The following XYLT1 variants were observed in gnomAD, a reference collection of about 807,000 sequenced individuals.
XYLT1 encodes beta-D-xylosyltransferase 1.
A neutral mutation model predicts 91.3 loss-of-function variants in XYLT1; 36 were observed. The observed-to-expected ratio is 0.39, with a 90% CI of 0.30 to 0.52. The LOEUF (loss-of-function observed/expected upper bound fraction) is 0.52, where lower values mean the gene tolerates loss of function less well. Among genes scored for constraint, XYLT1 ranks in the 20% least tolerant of loss-of-function variants. The pLI, the probability that XYLT1 is intolerant of heterozygous loss-of-function variation, is 0.68. For synonymous variants in XYLT1, 588 were observed against 532.0 expected (o/e 1.11, Z -1.45); for missense variants, 1,242 against 1,284.5 (o/e 0.97, Z 0.51).
intron 3 of XYLT1, among the ~76,000 whole-genome samples, chr16:17,203,253 T>G (rs1479959310): frequency 1.3e-5 from 2 of 152,206 alleles, no homozygotes; most frequent in Non-Finnish European, 2.9e-5. Flanking sequence ...TAGGCATGCA[T>G]TTAAGGACTA....
At chr16:17,279,162 G>A (rs529795880) in intron 2 of XYLT1, among the ~76,000 whole-genome samples, 3 of 152,258 alleles carry the variant, frequency 2.0e-5, no homozygotes, top group East Asian at 1.9e-4. Flanking sequence ...GAGGCAGCGC[G>A]GCTCTGTGAT....
rs186061171 is a variant in XYLT1, at chr16:17,170,915, G to C, written c.1290-12006C>G. Among the ~76,000 whole-genome samples, 22 of 152,198 alleles carry C rather than the reference G, an allele frequency of 1.4e-4. No homozygotes were observed. In the East Asian group the frequency reaches 4.3e-3, roughly 29 times the overall value. On this transcript the variant is annotated intron_variant, in intron 5 of 11. Transcript: ENST00000261381. ...ACTACTTATTGGCTGTGTGGCCTTGGGCAGGTCATTTTTAGCTAGTCGATG... is the reference window on the plus strand; with the variant it reads ...ACTACTTATTGGCTGTGTGGCCTTGCGCAGGTCATTTTTAGCTAGTCGATG...
At chr16:17,410,273 C>G (rs1281872204) in intron 1 of XYLT1, among the ~76,000 whole-genome samples, 1 of 152,142 alleles carries the variant, frequency 6.6e-6, no homozygotes, top group Non-Finnish European at 1.5e-5. Flanking sequence ...TTCTCCACTG[C>G]CTGTTGTAAT....
intron 2 of XYLT1, among the ~76,000 whole-genome samples, chr16:17,309,650 C>T (rs975832569): frequency 5.3e-5 from 8 of 152,172 alleles, no homozygotes; most frequent in African/African-American, 1.9e-4. Context: ...GCAGATTTCA[C>T]GTGGATATGG....
chr16:17,202,147 C>T (rs1276889821), intron 3 of XYLT1, among the ~76,000 whole-genome samples: 1 of 152,154 alleles, frequency 6.6e-6, no homozygotes, highest in African/African-American at 2.4e-5. Context: ...TTTCCTCAGC[C>T]TGATTTCACT....
intron 1 of XYLT1, among the ~76,000 whole-genome samples, chr16:17,455,567 A>G (rs1423143017): frequency 6.7e-6 from 1 of 150,132 alleles, no homozygotes; most frequent in African/African-American, 2.5e-5. Flanking sequence ...CCTAGGCAAC[A>G]GTGAGACTCC....
chr16:17,457,169 C>T (rs2036755988), intron 1 of XYLT1, among the ~76,000 whole-genome samples: 1 of 152,116 alleles, frequency 6.6e-6, no homozygotes. Context: ...TTGATTTTGG[C>T]TACTAATTCA....
intron 10 of XYLT1, among the ~76,000 whole-genome samples, chr16:17,123,798 A>G (rs2030159523): frequency 6.6e-6 from 1 of 152,104 alleles, no homozygotes; most frequent in South Asian, 2.1e-4. Flanking sequence ...TAGGTCTAGT[A>G]GTATTGTTTT....
intron 2 of XYLT1, among the ~76,000 whole-genome samples, chr16:17,352,607 C>T (rs34213864): frequency 0.46 from 70,663 of 152,004 alleles, 17,787 homozygotes; most frequent in African/African-American, 0.64. Context: ...CTGTAAGCTC[C>T]TCAGCACATC....
chr16:17,187,709 G>C (rs1200053510), intron 5 of XYLT1, among the ~76,000 whole-genome samples: 1 of 151,322 alleles, frequency 6.6e-6, no homozygotes, highest in Non-Finnish European at 1.5e-5. Context: ...ACAATGGCGT[G>C]ATCTCAGTCC....
intron 2 of XYLT1, among the ~76,000 whole-genome samples, chr16:17,285,404 G>T (rs530900802): frequency 3.9e-5 from 6 of 152,162 alleles, no homozygotes; most frequent in African/African-American, 1.4e-4. Flanking sequence ...GCTCTCAGGG[G>T]ATCTCCAGCA....
At chr16:17,235,613 T>C (rs1596439578) in intron 3 of XYLT1, among the ~76,000 whole-genome samples, 1 of 152,330 alleles carries the variant, frequency 6.6e-6, no homozygotes, top group East Asian at 1.9e-4. Flanking sequence ...AATTATGCAT[T>C]CAGGATACTG....
intron 1 of XYLT1, among the ~76,000 whole-genome samples, chr16:17,372,808 GAATAAT>G (rs1277099554): frequency 6.6e-6 from 1 of 152,032 alleles, no homozygotes; most frequent in Admixed American, 6.5e-5. Flanking sequence ...TGCGAAGTAG[GAATAAT>G]AATAATGACA....
intron 2 of XYLT1, among the ~76,000 whole-genome samples, chr16:17,262,961 T>C (rs568832436): frequency 8.5e-5 from 13 of 152,260 alleles, no homozygotes; most frequent in African/African-American, 2.2e-4. Flanking sequence ...GAAACATCTA[T>C]TGACGACTCC....
At chr16:17,170,814 T>C (rs767642203) in intron 5 of XYLT1, among the ~76,000 whole-genome samples, 4 of 152,196 alleles carry the variant, frequency 2.6e-5, no homozygotes, top group Non-Finnish European at 5.9e-5. Flanking sequence ...GCACCTACAC[T>C]AATGTATCAG....
intron 11 of XYLT1, among the ~76,000 whole-genome samples, chr16:17,112,306 C>G (rs1021682553): frequency 2.0e-5 from 3 of 151,882 alleles, no homozygotes; most frequent in Non-Finnish European, 4.4e-5. Flanking sequence ...ATTGCTCCCA[C>G]CTTTGTGTTC....
chr16:17,307,327 G>A (rs1265929891), intron 2 of XYLT1, among the ~76,000 whole-genome samples: 1 of 152,098 alleles, frequency 6.6e-6, no homozygotes, highest in Non-Finnish European at 1.5e-5. Flanking sequence ...GGCCCGCTTC[G>A]GCCTCCCAAA....
rs772544986 is a variant in XYLT1, at chr16:17,259,386, G to A, written c.515C>T (p.Thr172Ile). 314 of 1,614,076 alleles carry A rather than the reference G, an allele frequency of 1.9e-4. No individual in the cohort carries two copies. The highest frequency in any genetic ancestry group is 2.3e-4 in the Non-Finnish European group (269 of 1,180,054). Reference sequence around the variant, plus strand: ...CTCAGGCTGGTGCTTCTGCTTTTGAGTCCTGGGTGCGAAGTTGCTGTTGTC... The same window carrying A: ...CTCAGGCTGGTGCTTCTGCTTTTGAATCCTGGGTGCGAAGTTGCTGTTGTC... ...NVDNSNFAPR[T>I]QKQKHQPELA... The change falls in exon 3 of 12, where the codon ACT (threonine) becomes ATT (isoleucine). Residue 172 changes from threonine to isoleucine, a missense_variant. By Grantham distance (89) the Thr-to-Ile change is moderately conservative (BLOSUM62 -1). This residue lies in a region of XYLT1 where 437 missense variants were observed against 411.5 expected (regional missense o/e 1.06). Transcript: ENST00000261381.
chr16:17,145,626 C>G (rs1466577522), intron 6 of XYLT1, among the ~76,000 whole-genome samples: 2 of 152,240 alleles, frequency 1.3e-5, no homozygotes. Flanking sequence ...GATTCTGGAT[C>G]TCACTGTGCC....
Sources: gnomAD v4.1 joint callset for allele counts (sites outside exome capture counted in the v4.1 genomes callset) on GRCh38, gnomAD v4.1.1 for gene constraint, gnomAD v4.1.1 regional missense constraint, MANE v1.5 for transcripts, NCBI Gene and HGNC (gene_info 2026-07-23, HGNC 2026-07-21) for gene names.